The following MAGI2 variants were observed in gnomAD, a reference collection of about 807,000 sequenced individuals.
MAGI2 encodes membrane associated guanylate kinase, WW and PDZ domain containing 2.
A neutral mutation model predicts 133.3 loss-of-function variants in MAGI2; 35 were observed. The observed-to-expected ratio is 0.26, with a 90% CI of 0.20 to 0.35. MAGI2 has a LOEUF of 0.35. Among genes scored for constraint, MAGI2 ranks in the 10% least tolerant of loss-of-function variants. The probability of loss-of-function intolerance (pLI) is 1.00; values close to 1 mark genes in which losing one functional copy is unlikely to be tolerated. For synonymous variants in MAGI2, 729 were observed against 710.6 expected (o/e 1.03, Z -0.41); for missense variants, 1,636 against 1,863.4 (o/e 0.88, Z 2.25).
chr7:79,329,862 C>A (rs758540473), intron 1 of MAGI2, among the ~76,000 whole-genome samples: 8 of 152,076 alleles, frequency 5.3e-5, no homozygotes, highest in Non-Finnish European at 1.0e-4. Flanking sequence ...AATTGAAAAC[C>A]AAGATAGAAG....
chr7:79,141,072 C>T (rs1027496438), intron 1 of MAGI2, among the ~76,000 whole-genome samples: 2 of 152,154 alleles, frequency 1.3e-5, no homozygotes, highest in Admixed American at 6.5e-5. Context: ...TTGGACAGTT[C>T]ACCATCACCA....
rs11536522 is a variant in MAGI2, at chr7:79,355,940, A to G, written c.301+97080T>C. 1.9e-3 allele frequency among the ~76,000 whole-genome samples: 290 copies of G among 152,310 alleles called. 3 individuals are homozygous for G. The highest frequency in any genetic ancestry group is 0.014 in the Admixed American group (212 of 15,300). ...AGGTAAAATGATGTCTTTATGTATA[A>G]TCATGCCATATAGAAGCATATTAAC... On this transcript the variant is annotated intron_variant, in intron 1 of 21. Transcript: ENST00000354212.
chr7:78,056,582 C>T (rs1812593534), intron 21 of MAGI2, among the ~76,000 whole-genome samples: 1 of 152,178 alleles, frequency 6.6e-6, no homozygotes, highest in Non-Finnish European at 1.5e-5. Flanking sequence ...AAACCAAACA[C>T]TGCATCTTCT....
chr7:78,706,591 G>A (rs1163514418), intron 2 of MAGI2, among the ~76,000 whole-genome samples: 1 of 151,988 alleles, frequency 6.6e-6, no homozygotes, highest in Non-Finnish European at 1.5e-5. Context: ...AATAACCCCT[G>A]TCCTTACATA....
At chr7:78,715,845 A>ATTTTGTCTTTTGT (rs60253694) in intron 2 of MAGI2, among the ~76,000 whole-genome samples, 1 of 151,424 alleles carries the variant, frequency 6.6e-6, no homozygotes, top group Admixed American at 6.6e-5. Context: ...AAATAAATAC[A>ATTTTGTCTTTTGT]AAATATAAGT....
At chr7:78,707,934 T>G (rs1244744337) in intron 2 of MAGI2, among the ~76,000 whole-genome samples, 1 of 152,114 alleles carries the variant, frequency 6.6e-6, no homozygotes, top group Non-Finnish European at 1.5e-5. Context: ...TAAGTAAAGG[T>G]TAGTCCTTTA....
intron 1 of MAGI2, among the ~76,000 whole-genome samples, chr7:79,077,127 G>A (rs1469486615): frequency 6.6e-6 from 1 of 152,150 alleles, no homozygotes; most frequent in East Asian, 1.9e-4. Flanking sequence ...GGCAGAAGAG[G>A]TGATTCTGTC....
At chr7:78,282,836 A>G (rs776473791) in intron 9 of MAGI2, among the ~76,000 whole-genome samples, 1 of 152,000 alleles carries the variant, frequency 6.6e-6, no homozygotes, top group Non-Finnish European at 1.5e-5. Context: ...TATTTGTTCA[A>G]TTTTCAGCAT....
intron 2 of MAGI2, among the ~76,000 whole-genome samples, chr7:78,729,765 G>A (rs1821188001): frequency 6.6e-6 from 1 of 152,194 alleles, no homozygotes; most frequent in Non-Finnish European, 1.5e-5. Flanking sequence ...TGGTTTGGTA[G>A]TCTGACTATA....
chr7:78,299,803 C>T (rs1357448498), intron 9 of MAGI2, among the ~76,000 whole-genome samples: 1 of 151,996 alleles, frequency 6.6e-6, no homozygotes, highest in Non-Finnish European at 1.5e-5. Flanking sequence ...GTGTTGGATT[C>T]GTCTTATTCT....
At chr7:78,833,537 C>T (rs495644) in intron 2 of MAGI2, among the ~76,000 whole-genome samples, 144,008 of 152,224 alleles carry the variant, frequency 0.95, 68,528 homozygotes, top group Non-Finnish European at 1. Flanking sequence ...GATCCTGCAA[C>T]AGTAAAGTTG....
intron 2 of MAGI2, among the ~76,000 whole-genome samples, chr7:79,001,061 T>C (rs1442793964): frequency 6.6e-6 from 1 of 152,028 alleles, no homozygotes; most frequent in African/African-American, 2.4e-5. Context: ...GGACTGCAGG[T>C]GCACACCACC....
chr7:79,074,274 C>A (rs989499947), intron 1 of MAGI2, among the ~76,000 whole-genome samples: 14 of 152,314 alleles, frequency 9.2e-5, no homozygotes, highest in African/African-American at 3.1e-4. Context: ...TAAACACCAT[C>A]TTTAAATACA....
chr7:79,248,096 G>A (rs1832952321), intron 1 of MAGI2, among the ~76,000 whole-genome samples: 1 of 151,978 alleles, frequency 6.6e-6, no homozygotes, highest in Non-Finnish European at 1.5e-5. Context: ...AAAATAAGAT[G>A]CAATGATTTA....
intron 9 of MAGI2, among the ~76,000 whole-genome samples, chr7:78,325,934 T>G (rs1562827021): frequency 6.6e-6 from 1 of 152,258 alleles, no homozygotes; most frequent in Non-Finnish European, 1.5e-5. Flanking sequence ...ATGTTACATG[T>G]TTGATCATGT....
intron 10 of MAGI2, chr7:78,255,712 T>C: frequency 1.6e-6 from 1 of 610,134 alleles, no homozygotes; most frequent in Admixed American, 3.1e-5. Flanking sequence ...AATATGTCTG[T>C]AAGACTGAAA....
At chr7:79,407,850 A>G (rs2129168863) in intron 1 of MAGI2, among the ~76,000 whole-genome samples, 1 of 152,182 alleles carries the variant, frequency 6.6e-6, no homozygotes, top group African/African-American at 2.4e-5. Flanking sequence ...GTTTTCATTT[A>G]TACATAGCAT....
At position 79,097,848 on chromosome 7, in the gene MAGI2, G is replaced by A. The variant is rs562294401; in HGVS notation, c.302-90642C>T. On this transcript the variant is annotated intron_variant, in intron 1 of 21. Transcript: ENST00000354212. Reference sequence around the variant, plus strand: ...TAAAAATAGCTGATGTGGGCCAGGCGTGGTGGCTTATGCATGTAATCCCAG... The same window carrying A: ...TAAAAATAGCTGATGTGGGCCAGGCATGGTGGCTTATGCATGTAATCCCAG... 4.6e-5 allele frequency among the ~76,000 whole-genome samples: 7 copies of A among 152,262 alleles called. No homozygotes were observed. In the South Asian group the frequency reaches 1.5e-3, roughly 32 times the overall value.
rs150815998 is a variant in MAGI2 at position 79,116,825 on chromosome 7, T to C, written c.302-109619A>G. Among the ~76,000 whole-genome samples, 5 of 152,314 alleles carry C rather than the reference T, an allele frequency of 3.3e-5. No homozygotes were observed. The East Asian group carries it at 9.7e-4, about 29-fold the overall frequency. On this transcript the variant is annotated intron_variant, in intron 1 of 21. Transcript: ENST00000354212. ...CTCTCTTGCTCCCCCTGTCACCATA[T>C]GATACACTGGCTCCCTCTTCAGCCT...
Sources: gnomAD v4.1 joint callset for allele counts (sites outside exome capture counted in the v4.1 genomes callset) on GRCh38, gnomAD v4.1.1 for gene constraint, MANE v1.5 for transcripts, NCBI Gene and HGNC (gene_info 2026-07-23, HGNC 2026-07-21) for gene names.